Variants in CD28 observed in about 807,000 individuals in gnomAD.
CD28 encodes T-cell-specific surface glycoprotein CD28.
CD28 carries 8 observed loss-of-function variants against 21.4 expected under a neutral mutation model. The observed-to-expected ratio is 0.37, with a 90% CI of 0.22 to 0.68. CD28 has a LOEUF of 0.68. CD28 is among the 30% of genes least tolerant of loss of function. The pLI is 0.55. For missense variants in CD28, 239 were observed against 272.2 expected, an observed-to-expected ratio of 0.88 and a Z score of 0.86; for synonymous variants, 106 against 104.0, an observed-to-expected ratio of 1.02 and a Z score of -0.12.
At chr2:203,728,378 G>C (rs1693806497) in intron 2 of CD28, among the ~76,000 whole-genome samples, 1 of 152,164 alleles carries the variant, frequency 6.6e-6, no homozygotes, top group Non-Finnish European at 1.5e-5. Flanking sequence ...AACAAGTAAA[G>C]TTTGATTTTT....
intron 1 of CD28, among the ~76,000 whole-genome samples, chr2:203,708,694 T>C (rs1252074631): frequency 6.6e-6 from 1 of 152,258 alleles, no homozygotes; most frequent in African/African-American, 2.4e-5. Flanking sequence ...CAAATGCCAA[T>C]TCACTTTTCT....
chr2:203,708,936 A>C (rs1249677037), intron 1 of CD28, among the ~76,000 whole-genome samples: 1 of 152,136 alleles, frequency 6.6e-6, no homozygotes, highest in Non-Finnish European at 1.5e-5. Context: ...TCGGGCTAAC[A>C]TGGTGAAATC....
At chr2:203,732,988 G>A (rs1227458081) in intron 3 of CD28, among the ~76,000 whole-genome samples, 1 of 152,178 alleles carries the variant, frequency 6.6e-6, no homozygotes, top group Admixed American at 6.5e-5. Flanking sequence ...TTTGGTTTGG[G>A]TGTCCGGAGG....
rs558378003 is a variant in CD28, at chr2:203,737,902, G to T, written c.*2990G>T. The stretch of plus-strand genomic sequence containing the variant: ...TTAAGAAAGATATGCTTTCAGAATA[G>T]ATATGCTTCGCTTTGGCAAGGAATT... On this transcript the variant is annotated 3_prime_UTR_variant, in exon 4 of 4. Coordinates refer to ENST00000324106, the MANE Select transcript of CD28 (RefSeq NM_006139.4). The T allele has an allele frequency of 2.6e-5, 4 of 152,582 alleles. No homozygotes were observed. The South Asian group carries it at 8.3e-4, about 32-fold the overall frequency. 9.5% of individuals were successfully genotyped at this position (152,582 alleles called of 1,614,324 possible). A position where few individuals can be genotyped will look rare whatever the true frequency, so the allele number is the denominator to read the frequency against.
intron 3 of CD28, among the ~76,000 whole-genome samples, chr2:203,731,015 A>G (rs560690885): frequency 2.6e-5 from 4 of 152,166 alleles, no homozygotes; most frequent in Non-Finnish European, 5.9e-5. Context: ...GTTGTTCCCC[A>G]CATGCTCCTT....
In CD28 at chr2:203,729,739, C is replaced by T; in HGVS notation, c.501C>T (p.Ser167=). Residue 167 remains serine, a synonymous_variant, in exon 3 of 4, where the codon AGC becomes AGT. Coordinates refer to ENST00000324106, the MANE Select transcript of CD28 (RefSeq NM_006139.4). ...TTGGTGGAGTCCTGGCTTGCTATAGCTTGCTAGTAACAGTGGCCTTTATTA... is the reference window on the plus strand; with the variant it reads ...TTGGTGGAGTCCTGGCTTGCTATAGTTTGCTAGTAACAGTGGCCTTTATTA... ...VVVGGVLACY[S]LLVTVAFIIF... 8 of 1,614,024 alleles carry T rather than the reference C, an allele frequency of 5.0e-6. No individual in the cohort carries two copies. The highest frequency in any genetic ancestry group is 6.8e-6 in the Non-Finnish European group (8 of 1,179,942).
intron 3 of CD28, 31 bp from the exon 4 acceptor site, chr2:203,734,753 C>T: frequency 6.2e-7 from 1 of 1,613,066 alleles, no homozygotes; most frequent in Non-Finnish European, 8.5e-7. Context: ...ATGACATTGT[C>T]CCTCCATACT....
chr2:203,709,668 C>T lies in CD28; in HGVS notation c.52+2920C>T, dbSNP rs1200617815. On this transcript the variant is annotated intron_variant, in intron 1 of 3. Coordinates refer to ENST00000324106, the MANE Select transcript of CD28 (RefSeq NM_006139.4). Reference sequence around the variant, plus strand: ...GGGATAGGAGTCCAGCCCAGAACTACAGAGCCTTAAGAGGGAAATGCTCTG... The same window carrying T: ...GGGATAGGAGTCCAGCCCAGAACTATAGAGCCTTAAGAGGGAAATGCTCTG... Among the ~76,000 whole-genome samples, 6 of 152,298 alleles carry T rather than the reference C, an allele frequency of 3.9e-5. No homozygotes were observed. The East Asian group carries it at 9.6e-4, about 24-fold the overall frequency.
At chr2:203,708,543 C>A (rs1461638858) in intron 1 of CD28, among the ~76,000 whole-genome samples, 1 of 152,194 alleles carries the variant, frequency 6.6e-6, no homozygotes, top group Non-Finnish European at 1.5e-5. Context: ...TATTCACTCT[C>A]TTTTGAAGAG....
intron 3 of CD28, among the ~76,000 whole-genome samples, chr2:203,732,642 C>T (rs920404617): frequency 5.3e-5 from 8 of 152,252 alleles, no homozygotes; most frequent in African/African-American, 1.9e-4. Context: ...AGGAATGGTC[C>T]AGAAATTACA....
intron 3 of CD28, among the ~76,000 whole-genome samples, chr2:203,730,930 C>T (rs531176424): frequency 2.2e-4 from 33 of 152,354 alleles, no homozygotes; most frequent in African/African-American, 7.7e-4. Flanking sequence ...CCTGGATCCA[C>T]AGCCATGCCT....
Position 203,735,006 on chromosome 2 carries a change from C to A in CD28, c.*94C>A. ...GAAATGACCGCCATCTCCAGCCGGC[C>A]ACCTCAGGCCCCTGTTGGGCCACCA... On this transcript the variant is annotated 3_prime_UTR_variant, in exon 4 of 4. Transcript: ENST00000324106. The A allele has an allele frequency of 1.3e-6, 2 of 1,487,188 alleles. No homozygotes were observed. Among genetic ancestry groups the A allele is most frequent in the South Asian group, 1.3e-5 (1 of 76,226 alleles). 92.1% of individuals were successfully genotyped at this position (1,487,188 alleles called of 1,614,324 possible).
intron 3 of CD28, among the ~76,000 whole-genome samples, chr2:203,731,853 C>A (rs1048698928): frequency 7.2e-5 from 11 of 152,268 alleles, no homozygotes; most frequent in African/African-American, 2.6e-4. Context: ...TACAGACCCC[C>A]TGTGAATTGG....
At chr2:203,721,570 T>C (rs1343179320) in intron 1 of CD28, among the ~76,000 whole-genome samples, 2 of 151,732 alleles carry the variant, frequency 1.3e-5, no homozygotes, top group Admixed American at 6.6e-5. Context: ...CTCACCCCAG[T>C]CCCCAACACA....
rs551715108 is a variant in CD28, at chr2:203,726,696, G to C, written c.116G>C (p.Ser39Thr). The change falls in exon 2 of 4, where the codon AGC (serine) becomes ACC (threonine). Residue 39 changes from serine to threonine, a missense_variant. Physicochemically the swap from Ser to Thr is moderately conservative, Grantham distance 58 (BLOSUM62 1). Coordinates refer to ENST00000324106, the MANE Select transcript of CD28 (RefSeq NM_006139.4). ...GCGTACGACAATGCGGTCAACCTTA[G>C]CTGCAAGTATTCCTACAATCTCTTC... ...LVAYDNAVNL[S>T]CKYSYNLFSR... 1.7e-5 allele frequency: 28 copies of C among 1,614,066 alleles called. No individual in the cohort carries two copies. The highest frequency in any genetic ancestry group is 3.3e-4 in the Middle Eastern group (2 of 6,060).
chr2:203,711,921 G>A (rs1285207816), intron 1 of CD28, among the ~76,000 whole-genome samples: 1 of 152,140 alleles, frequency 6.6e-6, no homozygotes, highest in East Asian at 1.9e-4. Context: ...GCCGGATATG[G>A]TGCCTCACAC....
rs754286125 is a variant in CD28, at chr2:203,719,867, G to A, written c.53-6766G>A. ...GAGCTGGTGGGAGGGTCCTTTTAAG[G>A]TCAGGGTTCTTTGATGCTGGGAGCC... is the stretch of plus-strand genomic sequence containing the variant. On this transcript the variant is annotated intron_variant, in intron 1 of 3. Coordinates refer to ENST00000324106, the MANE Select transcript of CD28 (RefSeq NM_006139.4). Among the ~76,000 whole-genome samples, 33 of 152,266 alleles carry A rather than the reference G, an allele frequency of 2.2e-4. 1 individual carries two copies. Among genetic ancestry groups the A allele is most frequent in the Middle Eastern group, 6.8e-3 (2 of 294 alleles).
At chr2:203,716,097 A>G (rs965853131) in intron 1 of CD28, among the ~76,000 whole-genome samples, 2 of 152,170 alleles carry the variant, frequency 1.3e-5, no homozygotes, top group African/African-American at 4.8e-5. Flanking sequence ...CCTTTCTGGT[A>G]AAATCTATGT....
rs531071302 is a variant in CD28, at chr2:203,723,785, T to G, written c.53-2848T>G. 3.3e-5 allele frequency among the ~76,000 whole-genome samples: 5 copies of G among 152,342 alleles called. No individual in the cohort carries two copies. In the South Asian group the frequency reaches 6.2e-4, roughly 19 times the overall value. ...AGGATAAATTGGAGCCCTCATTCACTGCTGGTGAGAATGTACAATGGTGCA... is the reference window on the plus strand; with the variant it reads ...AGGATAAATTGGAGCCCTCATTCACGGCTGGTGAGAATGTACAATGGTGCA... On this transcript the variant is annotated intron_variant, in intron 1 of 3. Coordinates refer to ENST00000324106, the MANE Select transcript of CD28 (RefSeq NM_006139.4).
Sources: allele counts gnomAD v4.1 joint callset (sites outside exome capture counted in the v4.1 genomes callset), GRCh38; gene constraint gnomAD v4.1.1; transcripts MANE v1.5; gene names NCBI Gene and HGNC (gene_info 2026-07-23, HGNC 2026-07-21).